Variants in NR4A1 observed in about 807,000 individuals in gnomAD.
NR4A1 encodes the protein nuclear receptor subfamily 4immunitygroup A member 1.
NR4A1 carries 24 observed loss-of-function variants against 47.5 expected under a neutral mutation model. The ratio of observed to expected loss-of-function variants is 0.50; its 90% CI spans 0.37 to 0.71. The LOEUF (loss-of-function observed/expected upper bound fraction) is 0.71, where lower values mean the gene tolerates loss of function less well. NR4A1 is among the 30% of genes least tolerant of loss of function. The pLI is 0.00. For missense variants in NR4A1, 669 were observed against 788.6 expected, an observed-to-expected ratio of 0.85 and a Z score of 1.82; for synonymous variants, 353 against 345.7, an observed-to-expected ratio of 1.02 and a Z score of -0.24.
At chr12:52,053,072 T>G (rs1939067531) in intron 1 of NR4A1, among the ~76,000 whole-genome samples, 1 of 152,078 alleles carries the variant, frequency 6.6e-6, no homozygotes, top group Non-Finnish European at 1.5e-5. Flanking sequence ...ACCCCTTGAT[T>G]ATGGTACTCT....
At chr12:52,026,391 A>T (rs1382457571) in intron 1 of NR4A1, among the ~76,000 whole-genome samples, 1 of 152,254 alleles carries the variant, frequency 6.6e-6, no homozygotes, top group African/African-American at 2.4e-5. Context: ...CCAAGAGCTT[A>T]TTAGGAGCCA....
At chr12:52,055,230 T>A in intron 2 of NR4A1, 26 bp downstream of exon 2, 1 of 1,607,286 alleles carries the variant, frequency 6.2e-7, no homozygotes, top group East Asian at 2.2e-5. Flanking sequence ...AGGTGGGGCC[T>A]TTTGTTGGAA....
chr12:52,051,361 C>T, upstream of NR4A1: 1 of 984,328 alleles, frequency 1.0e-6, no homozygotes, highest in Non-Finnish European at 1.2e-6. Context: ...CAAAGCTCGA[C>T]GGGCGGCCTG....
At chr12:52,035,192 ACTGCTTCTT>A (rs1464931793) in intron 1 of NR4A1, among the ~76,000 whole-genome samples, 1 of 152,178 alleles carries the variant, frequency 6.6e-6, no homozygotes, top group Admixed American at 6.5e-5. Flanking sequence ...ACCTCTAGAG[ACTGCTTCTT>A]CCACCATCTC....
chr12:52,056,952 A>G, intron 4 of NR4A1, 105 bp from the exon 5 acceptor site: 2 of 1,101,800 alleles, frequency 1.8e-6, no homozygotes, highest in East Asian at 2.6e-5. Context: ...TCTCAGATCC[A>G]CTCCCACTCC....
intron 2 of NR4A1, chr12:52,043,750 C>T (rs1020628609): frequency 8.1e-5 from 104 of 1,284,942 alleles, no homozygotes; most frequent in Non-Finnish European, 1.0e-4. Context: ...CAGCTGCTGC[C>T]CAGCCTCGGC....
At chr12:52,044,980 G>A (rs767034512) in intron 2 of NR4A1, among the ~76,000 whole-genome samples, 3 of 152,212 alleles carry the variant, frequency 2.0e-5, no homozygotes, top group Non-Finnish European at 4.4e-5. Context: ...CTGAGAGGGA[G>A]GGAGGGAGGG....
intron 2 of NR4A1, chr12:52,045,560 G>T (rs543910870): frequency 2.2e-6 from 1 of 452,114 alleles, no homozygotes; most frequent in South Asian, 1.6e-5. Context: ...ATTGTGAACT[G>T]AATTCTACCA....
chr12:52,049,658 G>A (rs1283154), upstream of NR4A1, among the ~76,000 whole-genome samples: 107,122 of 152,174 alleles, frequency 0.7, 38,404 homozygotes, highest in African/African-American at 0.84. Flanking sequence ...TTGTCTCAAA[G>A]ACAACAAAAC....
intron 1 of NR4A1, among the ~76,000 whole-genome samples, chr12:52,039,563 T>C (rs955983758): frequency 6.6e-6 from 1 of 152,146 alleles, no homozygotes; most frequent in Non-Finnish European, 1.5e-5. Flanking sequence ...GCTGGAATGC[T>C]CTCCCCACCT....
intron 2 of NR4A1, chr12:52,042,022 T>G: frequency 2.6e-6 from 3 of 1,175,796 alleles, no homozygotes; most frequent in Non-Finnish European, 2.1e-6. Flanking sequence ...CGGATGTGGT[T>G]AGGGGGATGG....
intron 2 of NR4A1, chr12:52,042,029 A>G: frequency 1.8e-6 from 2 of 1,136,294 alleles, no homozygotes; most frequent in Non-Finnish European, 2.2e-6. Flanking sequence ...GGTTAGGGGG[A>G]TGGAGGGGAA....
At chr12:52,038,052 C>A in intron 1 of NR4A1, 1 of 963,548 alleles carries the variant, frequency 1.0e-6, no homozygotes, top group Non-Finnish European at 1.2e-6. Context: ...TGGCTCATTC[C>A]CCCCCAACGC....
At chr12:52,028,595 A>G (rs1338672454) in intron 1 of NR4A1, among the ~76,000 whole-genome samples, 1 of 150,870 alleles carries the variant, frequency 6.6e-6, no homozygotes, top group Non-Finnish European at 1.5e-5. Flanking sequence ...AAAACAAAAA[A>G]GATACCTGCT....
At chr12:52,051,624 T>A in intron 1 of NR4A1, 56 bp downstream of exon 1, 9 of 907,596 alleles carry the variant, frequency 9.9e-6, no homozygotes, top group Non-Finnish European at 1.2e-5. Context: ...ATGAAGGAGA[T>A]GGGTGTACGC....
At chr12:52,037,813 C>A in intron 1 of NR4A1, 3 of 985,406 alleles carry the variant, frequency 3.0e-6, no homozygotes, top group Non-Finnish European at 2.4e-6. Flanking sequence ...GCAACCCCTT[C>A]GAGGGACTGA....
chr12:52,055,021 A>G lies in NR4A1; in HGVS notation c.693A>G (p.Pro231=). The stretch of plus-strand genomic sequence containing the variant: ...GCTATTCCATGCCTACGGCCTTCCC[A>G]GGTTTGGCACCCACTTCTCCACACC... ...GESYSMPTAF[P]GLAPTSPHLE... Residue 231 remains proline (P), a synonymous_variant, in exon 2 of 7, where the codon CCA becomes CCG. Transcript: ENST00000394825. 1 of 1,614,142 alleles carries G rather than the reference A, an allele frequency of 6.2e-7. No homozygotes were observed. The highest frequency in any genetic ancestry group is 8.5e-7 in the Non-Finnish European group (1 of 1,180,014).
chr12:52,058,676 C>A lies in NR4A1; in HGVS notation c.1541-12C>A. On this transcript the variant is annotated splice_polypyrimidine_tract_variant and intron_variant, in intron 6 of 6. Coordinates refer to ENST00000394825, the MANE Select transcript of NR4A1 (RefSeq NM_173157.3). ...TCTCAGATGTACAGCTAATCCTGTA[C>A]CCTTCCCGCAGACCGGCATGGGCTG... 6.3e-7 allele frequency: 1 copy of A among 1,585,398 alleles called. No homozygotes were observed. Among genetic ancestry groups the A allele is most frequent in the Non-Finnish European group, 8.6e-7 (1 of 1,166,556 alleles).
upstream of NR4A1, among the ~76,000 whole-genome samples, chr12:52,048,272 G>A (rs1364607551): frequency 6.6e-6 from 1 of 151,798 alleles, no homozygotes; most frequent in Admixed American, 6.6e-5. Context: ...CAATGGCTTG[G>A]CTGATCATCT....
Sources: allele counts gnomAD v4.1 joint callset (sites outside exome capture counted in the v4.1 genomes callset), GRCh38; gene constraint gnomAD v4.1.1; transcripts MANE v1.5; gene names NCBI Gene and HGNC (gene_info 2026-07-23, HGNC 2026-07-21).